Variants in MICA observed in about 807,000 individuals in gnomAD.
MICA encodes HLA class I antigen.
MICA carries 18 observed loss-of-function variants against 34.3 expected under a neutral mutation model. The ratio of observed to expected loss-of-function variants is 0.52; its 90% CI spans 0.36 to 0.78. MICA has a LOEUF of 0.78. MICA is among the 30% of genes least tolerant of loss of function. The pLI is 0.00. For synonymous variants in MICA, 135 were observed against 156.9 expected, an observed-to-expected ratio of 0.86 and a Z score of 1.04; for missense variants, 333 against 409.4, an observed-to-expected ratio of 0.81 and a Z score of 1.61.
chr6:31,401,483 AG>A (rs1770427250), upstream of MICA, among the ~76,000 whole-genome samples: 1 of 151,592 alleles, frequency 6.6e-6, no homozygotes, highest in East Asian at 1.9e-4. Flanking sequence ...CTGATCTTGG[AG>A]GGTTCATAGG....
At chr6:31,414,837 G>A (rs1380265147) in intron 5 of MICA, among the ~76,000 whole-genome samples, 175 bp from the exon 6 acceptor site, 1 of 151,856 alleles carries the variant, frequency 6.6e-6, no homozygotes, top group Non-Finnish European at 1.5e-5. Context: ...TGATGGGAGG[G>A]AACTGGCAGG....
intron 1 of MICA, among the ~76,000 whole-genome samples, chr6:31,404,561 C>T (rs1434248617): frequency 6.6e-6 from 1 of 151,826 alleles, no homozygotes. Flanking sequence ...CTCCTGCACC[C>T]CTTATGGGCC....
intron 1 of MICA, among the ~76,000 whole-genome samples, chr6:31,408,048 T>G (rs1770839996): frequency 6.6e-6 from 1 of 151,912 alleles, no homozygotes; most frequent in African/African-American, 2.4e-5. Context: ...TTGAGAGTTT[T>G]TATCATGAAG....
Position 31,403,816 on chromosome 6 carries a change from G to C in MICA, c.70+114G>C. The stretch of plus-strand genomic sequence containing the variant: ...CAGGGCGGGGCTCCTGTGCCCTGTC[G>C]GTGGCGCAGGGAGCTGGACGCGGCC... On this transcript the variant is annotated intron_variant, in intron 1 of 5. Transcript: ENST00000449934. The surrounding 1 kb of genome is among the most constrained non-coding windows in gnomAD (Gnocchi z 4.7). The C allele has an allele frequency of 1.1e-6, 1 of 940,714 alleles. No homozygotes were observed. The highest frequency in any genetic ancestry group is 1.5e-6 in the Non-Finnish European group (1 of 648,838). 58.3% of individuals were successfully genotyped at this position (940,714 alleles called of 1,614,324 possible). A position where few individuals can be genotyped will look rare whatever the true frequency, so the allele number is the denominator to read the frequency against.
rs779372024 is a variant in MICA at position 31,403,731 on chromosome 6, G to C, written c.70+29G>C. On this transcript the variant is annotated intron_variant, in intron 1 of 5. Coordinates refer to ENST00000449934, the MANE Select transcript of MICA (RefSeq NM_001177519.3). This position sits in a 1 kb window ranked among gnomAD's most constrained non-coding sequence, Gnocchi z 4.7. ...AGTGGCGTTCCTGGCGGTCCTCGGC[G>C]GAGCGGGAGCAGTGGGACGTTTCCG... The C allele has an allele frequency of 4.6e-6, 7 of 1,524,452 alleles. No individual in the cohort carries two copies. Among genetic ancestry groups the C allele is most frequent in the Non-Finnish European group, 6.1e-6 (7 of 1,138,504 alleles). 94.4% of individuals were successfully genotyped at this position (1,524,452 alleles called of 1,614,324 possible).
intron 1 of MICA, among the ~76,000 whole-genome samples, chr6:31,405,386 A>C (rs1469052128): frequency 6.7e-6 from 1 of 149,946 alleles, no homozygotes; most frequent in South Asian, 2.1e-4. Context: ...CTCTCTGGCC[A>C]GCACCCCCAC....
At chr6:31,413,891 G>A (rs888907499) in intron 5 of MICA, among the ~76,000 whole-genome samples, 1 of 151,958 alleles carries the variant, frequency 6.6e-6, no homozygotes, top group Non-Finnish European at 1.5e-5. Flanking sequence ...TTTCAATGTT[G>A]ATGTCCAGTA....
At chr6:31,403,066 C>G (rs1770528324), upstream of MICA, among the ~76,000 whole-genome samples, 2 of 151,900 alleles carry the variant, frequency 1.3e-5, no homozygotes, top group African/African-American at 4.8e-5. This position sits in a 1 kb window ranked among gnomAD's most constrained non-coding sequence, Gnocchi z 4.7. Flanking sequence ...GCGGCAGGTG[C>G]TTCTGAGAGG....
In MICA at chr6:31,411,676, G is replaced by T. The variant is rs1428932752; in HGVS notation, c.614-271G>T. 1.3e-5 allele frequency among the ~76,000 whole-genome samples: 2 copies of T among 151,714 alleles called. No individual in the cohort carries two copies. Among genetic ancestry groups the T allele is most frequent in the African/African-American group, 4.9e-5 (2 of 41,208 alleles). On this transcript the variant is annotated intron_variant, in intron 3 of 5. Coordinates refer to ENST00000449934, the MANE Select transcript of MICA (RefSeq NM_001177519.3). This position sits in a 1 kb window ranked among gnomAD's most constrained non-coding sequence, Gnocchi z 4.3. ...TGCCTCCCAGCCTGCCCATCCTGGA[G>T]AGTTCCCTCCTGGCCCCACAACCCA... is the stretch of plus-strand genomic sequence containing the variant.
intron 1 of MICA, among the ~76,000 whole-genome samples, chr6:31,408,626 A>G (rs764401517): frequency 1.3e-5 from 2 of 151,760 alleles, no homozygotes; most frequent in Non-Finnish European, 2.9e-5. Flanking sequence ...TTTTGTTTCT[A>G]TGAATTTGAC....
intron 1 of MICA, among the ~76,000 whole-genome samples, chr6:31,406,408 A>AT (rs41293535): frequency 0.41 from 61,321 of 150,134 alleles, 13,324 homozygotes; most frequent in African/African-American, 0.52. Context: ...GGATTATTAT[A>AT]TTTTTTTTCC....
chr6:31,401,878 G>T (rs1770449400), upstream of MICA, among the ~76,000 whole-genome samples: 1 of 151,868 alleles, frequency 6.6e-6, no homozygotes, highest in African/African-American at 2.4e-5. Context: ...TCTCCAGGTG[G>T]TTCTACGCAG....
At chr6:31,404,169 GGAGTA>G (rs1770619811) in intron 1 of MICA, among the ~76,000 whole-genome samples, 1 of 151,696 alleles carries the variant, frequency 6.6e-6, no homozygotes, top group African/African-American at 2.4e-5. Flanking sequence ...CGCAGCTCCT[GGAGTA>G]GGGGCCCTCC....
upstream of MICA, among the ~76,000 whole-genome samples, chr6:31,402,751 C>G (rs36223352): frequency 4.2e-3 from 639 of 151,826 alleles, 17 homozygotes; most frequent in East Asian, 0.052. Flanking sequence ...GATATGGTGG[C>G]AGACGTATAG....
upstream of MICA, among the ~76,000 whole-genome samples, chr6:31,401,426 TA>T (rs545804885): frequency 1.3e-5 from 2 of 150,754 alleles, no homozygotes; most frequent in African/African-American, 2.4e-5. Context: ...TAGTTGAACT[TA>T]AAAAAAAAGT....
chr6:31,407,993 A>G (rs1770837423), intron 1 of MICA, among the ~76,000 whole-genome samples: 1 of 151,800 alleles, frequency 6.6e-6, no homozygotes, highest in African/African-American at 2.4e-5. Flanking sequence ...TTTGTCATAT[A>G]TGGCTTTTAT....
chr6:31,409,307 C>CTGTGTGTGTGTGTGTGTGTG (rs1491397090), intron 1 of MICA, among the ~76,000 whole-genome samples: 13 of 110,094 alleles, frequency 1.2e-4, no homozygotes, highest in African/African-American at 3.7e-4. Context: ...GCCAACCTTG[C>CTGTGTGTGTGTGTGTGTGTG]TCTGTGTGTG....
intron 5 of MICA, among the ~76,000 whole-genome samples, chr6:31,414,343 G>A: frequency 6.6e-6 from 1 of 152,066 alleles, no homozygotes; most frequent in East Asian, 1.9e-4. Flanking sequence ...GGGTTAAGCG[G>A]ACCAGGCAGG....
At chr6:31,410,472 A>G (rs1771040940) in intron 1 of MICA, 71 bp from the exon 2 acceptor site, 13 of 1,566,630 alleles carry the variant, frequency 8.3e-6, no homozygotes, top group Non-Finnish European at 1.1e-5. Context: ...GGGACAGCAG[A>G]CCTGTGTGTT....
Sources: gnomAD v4.1 joint callset for allele counts (sites outside exome capture counted in the v4.1 genomes callset) on GRCh38, gnomAD v4.1.1 for gene constraint, Gnocchi (gnomAD v3.1) non-coding constraint, MANE v1.5 for transcripts, NCBI Gene and HGNC (gene_info 2026-07-23, HGNC 2026-07-21) for gene names.